AVEN: variants seen among roughly 807,000 people sequenced by gnomAD.
AVEN encodes the protein apoptosis and caspase activation inhibitor.
A neutral mutation model predicts 38.1 loss-of-function variants in AVEN; 41 were observed. That is an observed-to-expected ratio of 1.08 (90% confidence interval 0.84 to 1.40). The LOEUF (loss-of-function observed/expected upper bound fraction) is 1.40. AVEN is among the 40% of genes most tolerant of loss of function. The probability of loss-of-function intolerance (pLI) is 0.00; values close to 1 mark genes in which losing one functional copy is unlikely to be tolerated. For missense variants in AVEN, 605 were observed against 438.8 expected, an observed-to-expected ratio of 1.38 and a Z score of -3.38; for synonymous variants, 206 against 171.8, an observed-to-expected ratio of 1.20 and a Z score of -1.56.
intron 2 of AVEN, among the ~76,000 whole-genome samples, chr15:33,949,457 A>C (rs1474453514): frequency 2.0e-5 from 3 of 152,218 alleles, no homozygotes; most frequent in African/African-American, 7.2e-5. Context: ...GGATATCCTA[A>C]TTACCCTGAT....
chr15:33,958,231 T>TA (rs1442540081), intron 2 of AVEN, among the ~76,000 whole-genome samples: 4 of 152,210 alleles, frequency 2.6e-5, no homozygotes, highest in Admixed American at 2.6e-4. Flanking sequence ...TCTCCTCCTG[T>TA]TTTCCTTACC....
chr15:33,997,910 C>A (rs1897001915), intron 2 of AVEN, among the ~76,000 whole-genome samples: 1 of 152,162 alleles, frequency 6.6e-6, no homozygotes, highest in Non-Finnish European at 1.5e-5. Context: ...ATACCAACTT[C>A]ATGTGGGCCC....
intron 5 of AVEN, chr15:34,062,527 C>G: frequency 1.8e-6 from 1 of 561,814 alleles, no homozygotes; most frequent in Non-Finnish European, 3.0e-6. Flanking sequence ...TGCACTCCAG[C>G]CTGGGTGACA....
rs2241648 is a variant in AVEN, at chr15:33,866,328, G to C, written c.*285C>G. On this transcript the variant is annotated 3_prime_UTR_variant, in exon 6 of 6. Coordinates refer to ENST00000306730, the MANE Select transcript of AVEN (RefSeq NM_020371.3). ...CTGCTATGCTGTAAACACTGGCTAT[G>C]TTGTAAACACTGCAAGGAAGGAGGC... The C allele has an allele frequency of 0.052, 23,321 of 449,494 alleles. 1,661 individuals are homozygous for C. Among genetic ancestry groups the C allele is most frequent in the East Asian group, 0.32 (7,957 of 25,236 alleles). 27.8% of individuals were successfully genotyped at this position (449,494 alleles called of 1,614,324 possible). A position where few individuals can be genotyped will look rare whatever the true frequency, so the allele number is the denominator to read the frequency against.
downstream of AVEN, among the ~76,000 whole-genome samples, chr15:33,855,446 C>A (rs552402707): frequency 6.6e-6 from 1 of 152,310 alleles, no homozygotes; most frequent in East Asian, 1.9e-4. Context: ...TCAGGTGATC[C>A]ACCCGCCTCG....
At chr15:34,041,882 G>A (rs1899489592), upstream of AVEN, among the ~76,000 whole-genome samples, 1 of 152,124 alleles carries the variant, frequency 6.6e-6, no homozygotes, top group African/African-American at 2.4e-5. Context: ...CAGAATCCAT[G>A]CCTGTAAGTC....
At chr15:34,043,368 T>C (rs1899558022), upstream of AVEN, among the ~76,000 whole-genome samples, 2 of 152,192 alleles carry the variant, frequency 1.3e-5, no homozygotes, top group South Asian at 2.1e-4. Context: ...GTGGGGAAAG[T>C]ACCTCTTCCT....
At position 34,063,538 on chromosome 15, in the gene AVEN, C is replaced by A; in HGVS notation, n.1127-106G>T. On this transcript the variant is annotated intron_variant and non_coding_transcript_variant, in intron 4 of 11. Transcript: ENST00000675287. The surrounding 1 kb of genome is among the most constrained non-coding windows in gnomAD (Gnocchi z 4.1). Reference sequence around the variant, plus strand: ...AGGAACCAGGCCTCCTGGTCATCCTCCCGCAGGAGCACCTCCACCACTGGG... The same window carrying A: ...AGGAACCAGGCCTCCTGGTCATCCTACCGCAGGAGCACCTCCACCACTGGG... The A allele has an allele frequency of 6.2e-7, 1 of 1,613,628 alleles. No homozygotes were observed. The highest frequency in any genetic ancestry group is 1.6e-4 in the Middle Eastern group (1 of 6,062).
chr15:34,064,524 C>A, intron 4 of AVEN: 1 of 629,244 alleles, frequency 1.6e-6, no homozygotes, highest in Non-Finnish European at 2.8e-6. Context: ...TTGCCTATGA[C>A]CAAGGCCATT....
chr15:34,023,900 T>C (rs997211866), intron 1 of AVEN, among the ~76,000 whole-genome samples: 1 of 152,196 alleles, frequency 6.6e-6, no homozygotes, highest in African/African-American at 2.4e-5. Flanking sequence ...TCTGGCTCTT[T>C]TTATTGATGG....
intron 3 of AVEN, among the ~76,000 whole-genome samples, chr15:33,874,287 C>G (rs1456598099): frequency 6.6e-6 from 1 of 152,066 alleles, no homozygotes; most frequent in South Asian, 2.1e-4. Context: ...AAAGTTTGCC[C>G]AAGTCTCAGA....
At chr15:34,065,808 A>G (rs1010035049) in intron 4 of AVEN, 1 of 152,336 alleles carries the variant, frequency 6.6e-6, no homozygotes, top group African/African-American at 2.4e-5. Flanking sequence ...TTAAAGATGA[A>G]GCACTCCTGT....
downstream of AVEN, among the ~76,000 whole-genome samples, chr15:33,861,651 C>G (rs117453671): frequency 0.032 from 4,932 of 152,154 alleles, 157 homozygotes; most frequent in Non-Finnish European, 0.039. Context: ...GCAGGCTTTC[C>G]TCCCACTACA....
intron 5 of AVEN, among the ~76,000 whole-genome samples, chr15:34,053,089 C>T (rs975115515): frequency 1.3e-5 from 2 of 151,666 alleles, no homozygotes; most frequent in African/African-American, 4.8e-5. Flanking sequence ...CACTTGAGAT[C>T]AGGAATTTGA....
chr15:33,989,967 G>A lies in AVEN; in HGVS notation c.445+13065C>T, dbSNP rs560069492. Among the ~76,000 whole-genome samples the A allele has an allele frequency of 3.3e-5, 5 of 151,614 alleles. No individual in the cohort carries two copies. The South Asian group carries it at 8.4e-4, about 25-fold the overall frequency. On this transcript the variant is annotated intron_variant, in intron 2 of 5. Coordinates refer to ENST00000306730, the MANE Select transcript of AVEN (RefSeq NM_020371.3). ...ACCTCTAATCCCAGCACTTTGGGAGGCCAAAGCAGGAGGATCACTTGAGGT... is the reference window on the plus strand; with the variant it reads ...ACCTCTAATCCCAGCACTTTGGGAGACCAAAGCAGGAGGATCACTTGAGGT...
chr15:33,959,227 C>T (rs760224439), intron 2 of AVEN, among the ~76,000 whole-genome samples: 14 of 152,102 alleles, frequency 9.2e-5, no homozygotes, highest in Non-Finnish European at 1.8e-4. Flanking sequence ...AATTACTCTC[C>T]TCTCTGACCT....
chr15:34,041,927 G>A (rs1899491920), upstream of AVEN, among the ~76,000 whole-genome samples: 2 of 152,290 alleles, frequency 1.3e-5, no homozygotes, highest in South Asian at 4.1e-4. Flanking sequence ...CCGGGGGTAT[G>A]TTACTCTCCA....
intron 2 of AVEN, among the ~76,000 whole-genome samples, chr15:33,989,826 A>T (rs1896640966): frequency 6.6e-6 from 1 of 151,468 alleles, no homozygotes; most frequent in Admixed American, 6.6e-5. Flanking sequence ...TAATTTTTTT[A>T]AGGAGAGGTA....
intron 2 of AVEN, among the ~76,000 whole-genome samples, chr15:33,980,423 C>T (rs554542): frequency 0.81 from 123,697 of 152,188 alleles, 55,065 homozygotes; most frequent in Non-Finnish European, 0.98. Context: ...GTTATAGTAC[C>T]GTCCCACACA....
Sources: gnomAD v4.1 joint callset for allele counts (sites outside exome capture counted in the v4.1 genomes callset) on GRCh38, gnomAD v4.1.1 for gene constraint, Gnocchi (gnomAD v3.1) non-coding constraint, MANE v1.5 for transcripts, NCBI Gene and HGNC (gene_info 2026-07-23, HGNC 2026-07-21) for gene names.